EPHA5: variants seen among roughly 807,000 people sequenced by gnomAD.
EPHA5 encodes the protein EPH receptor A5.
EPHA5 carries 60 observed loss-of-function variants against 105.0 expected under a neutral mutation model. The ratio of observed to expected loss-of-function variants is 0.57; its 90% CI spans 0.46 to 0.71. EPHA5 has a LOEUF of 0.71. Ranked by LOEUF, EPHA5 falls within the 30% of genes least tolerant of loss-of-function variation. The probability of loss-of-function intolerance (pLI) is 0.00; values close to 1 mark genes in which losing one functional copy is unlikely to be tolerated. For missense variants in EPHA5, 1,218 were observed against 1,274.7 expected, an observed-to-expected ratio of 0.96 and a Z score of 0.68; for synonymous variants, 513 against 449.1, an observed-to-expected ratio of 1.14 and a Z score of -1.80.
In EPHA5 at chr4:65,398,087, C is replaced by A. The variant is rs79409868; in HGVS notation, c.1793+6287G>T. On this transcript the variant is annotated intron_variant, in intron 8 of 16. Transcript: ENST00000613740. ...ACCCTCTTAAGTGCAGCTGCAGACA[C>A]CCAGCCACAGCTGAGGAACCAAGCA... 9.3e-3 allele frequency among the ~76,000 whole-genome samples: 1,419 copies of A among 152,278 alleles called. 10 individuals are homozygous for A. Among genetic ancestry groups the A allele is most frequent in the Middle Eastern group, 0.031 (9 of 294 alleles).
At chr4:65,511,383 T>C (rs781411905) in intron 3 of EPHA5, among the ~76,000 whole-genome samples, 3 of 152,186 alleles carry the variant, frequency 2.0e-5, no homozygotes, top group Non-Finnish European at 4.4e-5. Flanking sequence ...AAAAAATAAA[T>C]GAAAGATTAT....
chr4:65,480,662 T>C (rs1028462632), intron 5 of EPHA5, among the ~76,000 whole-genome samples: 74 of 152,146 alleles, frequency 4.9e-4, no homozygotes, highest in Admixed American at 1.3e-3. Context: ...GACCTTGTCA[T>C]TCATTGTTCA....
intron 2 of EPHA5, among the ~76,000 whole-genome samples, chr4:65,614,535 T>C (rs1225944333): frequency 6.6e-6 from 1 of 151,872 alleles, no homozygotes; most frequent in Non-Finnish European, 1.5e-5. Flanking sequence ...GTTTGTCAGC[T>C]ATGTAAGTCC....
intron 2 of EPHA5, among the ~76,000 whole-genome samples, chr4:65,603,477 A>T (rs539654089): frequency 3.6e-4 from 24 of 67,372 alleles, no homozygotes; most frequent in African/African-American, 1.2e-3. Context: ...TATTGTAGAT[A>T]AAAAAAACTT....
intron 3 of EPHA5, among the ~76,000 whole-genome samples, chr4:65,558,866 C>T (rs1267842658): frequency 1.3e-5 from 2 of 152,054 alleles, no homozygotes; most frequent in Non-Finnish European, 2.9e-5. Context: ...GCAAATTTCT[C>T]ATTTAAAAAA....
intron 3 of EPHA5, among the ~76,000 whole-genome samples, chr4:65,584,553 A>T (rs1741935931): frequency 6.6e-6 from 1 of 151,968 alleles, no homozygotes; most frequent in African/African-American, 2.4e-5. Context: ...ATTTAAAAAT[A>T]GTACAGCAAA....
chr4:65,462,809 C>T (rs535213838), intron 5 of EPHA5, among the ~76,000 whole-genome samples: 17 of 152,246 alleles, frequency 1.1e-4, no homozygotes, highest in African/African-American at 4.1e-4. Context: ...GTTGGAGAAA[C>T]AGACTCTAAC....
chr4:65,632,658 A>G (rs561916713), intron 2 of EPHA5, among the ~76,000 whole-genome samples: 1 of 152,160 alleles, frequency 6.6e-6, no homozygotes, highest in East Asian at 1.9e-4. Flanking sequence ...TTTGAGGCAT[A>G]GAGTGATCTG....
intron 7 of EPHA5, among the ~76,000 whole-genome samples, chr4:65,406,595 T>A (rs2148996262): frequency 6.6e-6 from 1 of 152,286 alleles, no homozygotes; most frequent in Non-Finnish European, 1.5e-5. Flanking sequence ...TCTGTATTTT[T>A]GTTTTTTATC....
At chr4:65,462,657 T>C (rs908964882) in intron 5 of EPHA5, among the ~76,000 whole-genome samples, 7 of 152,160 alleles carry the variant, frequency 4.6e-5, no homozygotes, top group Non-Finnish European at 1.0e-4. Context: ...AAGAAACTTT[T>C]TCAGATAGTG....
At chr4:65,421,123 G>A (rs777753278) in intron 5 of EPHA5, among the ~76,000 whole-genome samples, 7 of 151,876 alleles carry the variant, frequency 4.6e-5, no homozygotes, top group Non-Finnish European at 8.8e-5. Context: ...TTTTATTCTC[G>A]TTTTTCTCAT....
chr4:65,654,087 T>G (rs1479372383), intron 1 of EPHA5, among the ~76,000 whole-genome samples: 2 of 152,030 alleles, frequency 1.3e-5, no homozygotes, highest in Non-Finnish European at 2.9e-5. Context: ...TCTCTTTCCC[T>G]TTTTCTTATT....
In EPHA5 at chr4:65,320,701, T is replaced by C. The variant is rs1037895025; in HGVS notation, c.*3413A>G. On this transcript the variant is annotated 3_prime_UTR_variant, in exon 17 of 17. Transcript: ENST00000613740. ...AGTAGAAGACATGAAAACACATAAG[T>C]GCTCAAATGATATTAACTTTCCATT... is the stretch of plus-strand genomic sequence containing the variant. The C allele has an allele frequency of 4.3e-6, 1 of 230,002 alleles. No individual in the cohort carries two copies. The highest frequency in any genetic ancestry group is 5.7e-5 in the Admixed American group (1 of 17,598). The allele number at this position is 230,002 out of a possible 1,614,324, so 14.2% of individuals were successfully genotyped here.
intron 5 of EPHA5, among the ~76,000 whole-genome samples, chr4:65,436,657 C>G (rs1246099819): frequency 6.6e-6 from 1 of 151,932 alleles, no homozygotes; most frequent in Non-Finnish European, 1.5e-5. Flanking sequence ...TCAGATTGAA[C>G]AGTGTAGTAT....
At chr4:65,643,201 T>A (rs1334457058) in intron 2 of EPHA5, among the ~76,000 whole-genome samples, 162 bp downstream of exon 2, 2 of 152,018 alleles carry the variant, frequency 1.3e-5, no homozygotes, top group African/African-American at 2.4e-5. Flanking sequence ...TGTTCCTTTT[T>A]TTGATTAGAG....
chr4:65,419,066 G>C (rs1025355999), intron 6 of EPHA5, among the ~76,000 whole-genome samples: 23 of 151,254 alleles, frequency 1.5e-4, no homozygotes, highest in African/African-American at 5.1e-4. Flanking sequence ...TGTATTTTTA[G>C]TATAGACAGG....
At chr4:65,553,757 G>A (rs28437405) in intron 3 of EPHA5, among the ~76,000 whole-genome samples, 113,820 of 151,856 alleles carry the variant, frequency 0.75, 42,914 homozygotes, top group African/African-American at 0.79. Flanking sequence ...TTACATTTTC[G>A]GATGTAGGAC....
At chr4:65,659,351 A>C (rs867667971) in intron 1 of EPHA5, among the ~76,000 whole-genome samples, 1,529 of 79,386 alleles carry the variant, frequency 0.019, 35 homozygotes, top group African/African-American at 0.06. Flanking sequence ...AAAAAAAAAA[A>C]AAAAAAACAG....
chr4:65,365,223 A>C, intron 10 of EPHA5, 21 bp from the exon 11 acceptor site: 7 of 1,604,620 alleles, frequency 4.4e-6, no homozygotes, highest in Non-Finnish European at 6.0e-6. Flanking sequence ...AGATGAAAAA[A>C]ATGCAAAAAC....
Sources: allele counts gnomAD v4.1 joint callset (sites outside exome capture counted in the v4.1 genomes callset), GRCh38; gene constraint gnomAD v4.1.1; transcripts MANE v1.5; gene names NCBI Gene and HGNC (gene_info 2026-07-23, HGNC 2026-07-21).